The following RNF135 variants were observed in gnomAD, a reference collection of about 807,000 sequenced individuals.
RNF135 encodes ring finger protein 135.
RNF135 carries 46 observed loss-of-function variants against 41.9 expected under a neutral mutation model. The ratio of observed to expected loss-of-function variants is 1.10; its 90% CI spans 0.87 to 1.40. The LOEUF is 1.40. Ranked by LOEUF, RNF135 falls within the 40% of genes most tolerant of loss-of-function variation. The probability of loss-of-function intolerance (pLI) is 0.00; values close to 1 mark genes in which losing one functional copy is unlikely to be tolerated. For synonymous variants in RNF135, 238 were observed against 223.8 expected (o/e 1.06, Z -0.57); for missense variants, 539 against 549.8 (o/e 0.98, Z 0.20).
Position 30,993,888 on chromosome 17 carries a change from C to T in RNF135, c.680-3354C>T, listed in dbSNP as rs182006314. On this transcript the variant is annotated intron_variant, in intron 3 of 4. Transcript: ENST00000328381. Reference sequence around the variant, plus strand: ...TGCAGTGGCACAATCACTGCAGCCTCGATCTCTCAGGCTCAGGTGATCTTC... The same window carrying T: ...TGCAGTGGCACAATCACTGCAGCCTTGATCTCTCAGGCTCAGGTGATCTTC... 677 of 666,588 alleles carry T rather than the reference C, an allele frequency of 1.0e-3. 3 individuals are homozygous for T. The African/African-American group carries it at 0.01, about 10-fold the overall frequency. 41.3% of individuals were successfully genotyped at this position (666,588 alleles called of 1,614,324 possible). A position where few individuals can be genotyped will look rare whatever the true frequency, so the allele number is the denominator to read the frequency against.
chr17:30,963,576 GA>G, the RNF135 span, among the ~76,000 whole-genome samples: 18 of 148,518 alleles, frequency 1.2e-4, no homozygotes, highest in East Asian at 7.8e-4. Context: ...TCTGTCTCAA[GA>G]AAAAAAAAAT....
upstream of RNF135, among the ~76,000 whole-genome samples, chr17:30,967,279 C>T (rs1357515627): frequency 6.6e-6 from 1 of 152,140 alleles, no homozygotes; most frequent in African/African-American, 2.4e-5. Flanking sequence ...TTCCGCTCAC[C>T]TTGGCCTCTC....
chr17:30,975,923 T>G (rs1461209990), intron 1 of RNF135: 2 of 580,932 alleles, frequency 3.4e-6, no homozygotes, highest in East Asian at 5.6e-5. Flanking sequence ...CAATTCTGAC[T>G]CTTCTGCCTG....
At chr17:30,997,435 A>G in intron 4 of RNF135, 104 bp downstream of exon 4, 1 of 986,260 alleles carries the variant, frequency 1.0e-6, no homozygotes, top group Non-Finnish European at 1.6e-6. Context: ...TCCTTGGCTT[A>G]CTGCACATGG....
In RNF135 at chr17:30,999,270, A is replaced by C. The variant is rs756505232; in HGVS notation, c.*79A>C. 9 of 1,495,626 alleles carry C rather than the reference A, an allele frequency of 6.0e-6. No homozygotes were observed. Among genetic ancestry groups the C allele is most frequent in the Non-Finnish European group, 8.3e-6 (9 of 1,088,924 alleles). The allele number at this position is 1,495,626 out of a possible 1,614,324, so 92.6% of individuals were successfully genotyped here. A position where few individuals can be genotyped will look rare whatever the true frequency, so the allele number is the denominator to read the frequency against. On this transcript the variant is annotated 3_prime_UTR_variant, in exon 5 of 5. Coordinates refer to ENST00000328381, the MANE Select transcript of RNF135 (RefSeq NM_032322.4). ...AATCAGGGTAGTAACTTGACTTAAG[A>C]ATACCACTTTTTAGAAAAATTACGA...
At chr17:30,975,348 G>A in intron 1 of RNF135, 2 of 721,004 alleles carry the variant, frequency 2.8e-6, no homozygotes, top group Non-Finnish European at 5.1e-6. Context: ...TGCTACTTAT[G>A]CCTGCACCTG....
At chr17:30,997,589 AC>A (rs1399395944) in intron 4 of RNF135, 15 of 554,066 alleles carry the variant, frequency 2.7e-5, no homozygotes, top group Admixed American at 2.2e-4. Context: ...CTGTTCCCAA[AC>A]CTGCTGAGGT....
rs116760053 is a variant in RNF135 at position 30,992,216 on chromosome 17, A to G, written c.679+4110A>G. Among the ~76,000 whole-genome samples, 580 of 152,156 alleles carry G rather than the reference A, an allele frequency of 3.8e-3. 7 individuals are homozygous for G. The highest frequency in any genetic ancestry group is 0.013 in the African/African-American group (552 of 41,528). On this transcript the variant is annotated intron_variant, in intron 3 of 4. Transcript: ENST00000328381. ...CAATCTGCTGGGATTACACAGGAGT[A>G]AGCCACTGCGCTCGGCCTTTACATA... is the stretch of plus-strand genomic sequence containing the variant.
At chr17:30,981,078 CT>C (rs369904928) in intron 1 of RNF135, among the ~76,000 whole-genome samples, 2,219 of 147,890 alleles carry the variant, frequency 0.015, 31 homozygotes, top group Middle Eastern at 0.084. Flanking sequence ...CCATTGAGCA[CT>C]GAGTGAACGA....
intron 1 of RNF135, chr17:30,980,207 G>C (rs1906974296): frequency 7.2e-6 from 1 of 138,818 alleles, no homozygotes; most frequent in South Asian, 2.3e-4. Flanking sequence ...GCCGGGCGGG[G>C]GGCTGACCCC....
intron 1 of RNF135, among the ~76,000 whole-genome samples, chr17:30,981,229 G>A (rs1245836424): frequency 6.7e-6 from 1 of 148,988 alleles, no homozygotes; most frequent in East Asian, 1.9e-4. Flanking sequence ...GCGTGGCGGC[G>A]CGCGCCTGCA....
At chr17:30,987,553 A>G (rs535716948) in intron 2 of RNF135, among the ~76,000 whole-genome samples, 1 of 152,306 alleles carries the variant, frequency 6.6e-6, no homozygotes, top group South Asian at 2.1e-4. Flanking sequence ...TCTGACCTCC[A>G]TGGTTTATCT....
intron 1 of RNF135, 185 bp downstream of exon 1, chr17:30,971,630 A>G (rs1285540656): frequency 1.5e-6 from 2 of 1,353,514 alleles, no homozygotes. Flanking sequence ...AGAAGTAGAA[A>G]AAAACAAATT....
At chr17:30,970,971 C>T (rs1445241416), upstream of RNF135, 9 of 1,478,848 alleles carry the variant, frequency 6.1e-6, no homozygotes, top group South Asian at 1.1e-4. Context: ...AAAAGGCGGC[C>T]GAGAAAAGGA....
At chr17:30,967,423 A>T (rs1905593846), upstream of RNF135, among the ~76,000 whole-genome samples, 1 of 152,170 alleles carries the variant, frequency 6.6e-6, no homozygotes, top group Non-Finnish European at 1.5e-5. Flanking sequence ...TATTTTATTT[A>T]TATAAAAGTT....
intron 4 of RNF135, among the ~76,000 whole-genome samples, chr17:30,998,400 AAATAT>A (rs1460756899): frequency 6.6e-6 from 1 of 152,182 alleles, no homozygotes; most frequent in Non-Finnish European, 1.5e-5. Flanking sequence ...AAAAATAAAT[AAATAT>A]AATAAGTGTA....
intron 3 of RNF135, among the ~76,000 whole-genome samples, chr17:30,996,970 C>T (rs1008342555): frequency 6.6e-6 from 1 of 152,074 alleles, no homozygotes; most frequent in African/African-American, 2.4e-5. Context: ...TGGCATGGGG[C>T]TTGGTGCTTA....
chr17:30,996,529 T>C (rs1407570405), intron 3 of RNF135, among the ~76,000 whole-genome samples: 1 of 152,230 alleles, frequency 6.6e-6, no homozygotes, highest in Non-Finnish European at 1.5e-5. Flanking sequence ...CAGGCAGCTC[T>C]CTTGCTCTCA....
chr17:30,962,257 C>T, the RNF135 span, among the ~76,000 whole-genome samples: 1 of 151,864 alleles, frequency 6.6e-6, no homozygotes, highest in Admixed American at 6.6e-5. Context: ...CTCTGCCTCC[C>T]AAGTAGCTGG....
Sources: allele counts gnomAD v4.1 joint callset (sites outside exome capture counted in the v4.1 genomes callset), GRCh38; gene constraint gnomAD v4.1.1; transcripts MANE v1.5; gene names NCBI Gene and HGNC (gene_info 2026-07-23, HGNC 2026-07-21).